CHODL: variants seen among roughly 807,000 people sequenced by gnomAD.
CHODL encodes the protein transmembrane protein MT75.
CHODL carries 29 observed loss-of-function variants against 34.5 expected under a neutral mutation model. The observed-to-expected ratio is 0.84, with a 90% confidence interval of 0.63 to 1.15. The LOEUF (loss-of-function observed/expected upper bound fraction) is 1.15, where lower values mean the gene tolerates loss of function less well. Among genes scored for constraint, CHODL ranks in the 50% most tolerant of loss-of-function variants. The pLI is 0.00. For synonymous variants in CHODL, 125 were observed against 116.1 expected (o/e 1.08, Z -0.49); for missense variants, 332 against 332.5 (o/e 1.00, Z 0.01).
At chr21:18,213,797 A>G (rs928369367) in intron 2 of CHODL, among the ~76,000 whole-genome samples, 5 of 152,086 alleles carry the variant, frequency 3.3e-5, no homozygotes, top group Non-Finnish European at 7.4e-5. Context: ...GGCAGCAGGA[A>G]AAAGAGCTGA....
intron 2 of CHODL, among the ~76,000 whole-genome samples, chr21:18,074,414 G>A (rs1025005585): frequency 1.3e-5 from 2 of 152,138 alleles, no homozygotes; most frequent in Non-Finnish European, 2.9e-5. Flanking sequence ...CTGTTCTGAA[G>A]AACATTACAC....
At chr21:18,004,739 T>A (rs1404545474) in intron 1 of CHODL, among the ~76,000 whole-genome samples, 1 of 152,200 alleles carries the variant, frequency 6.6e-6, no homozygotes, top group Non-Finnish European at 1.5e-5. Context: ...ACTTATTACT[T>A]GACTTTGATG....
rs1356363820 is a variant in CHODL, at chr21:18,066,226, G to A, written c.-45+38255G>A. On this transcript the variant is annotated intron_variant, in intron 2 of 6. Coordinates refer to the CHODL transcript ENST00000400127. ...AATTATGTACCTGATTTGCAATCTT[G>A]TTCCATAAATAAGGAACATTTCTTT... Among the ~76,000 whole-genome samples the A allele has an allele frequency of 2.0e-5, 3 of 152,150 alleles. No homozygotes were observed. In the East Asian group the frequency reaches 5.8e-4, roughly 29 times the overall value.
chr21:17,995,272 G>C (rs1437498812), intron 1 of CHODL, among the ~76,000 whole-genome samples: 1 of 152,172 alleles, frequency 6.6e-6, no homozygotes, highest in African/African-American at 2.4e-5. Context: ...ATGGATTCCA[G>C]GCAACTGTCT....
chr21:18,128,339 A>AAAGAAGAAGAAG (rs1436319679), intron 2 of CHODL, among the ~76,000 whole-genome samples: 3 of 122,966 alleles, frequency 2.4e-5, no homozygotes, highest in African/African-American at 8.9e-5. Context: ...AAAAAAAAAA[A>AAAGAAGAAGAAG]AAGAAGAAGA....
rs116579830 is a variant in CHODL at position 18,252,950 on chromosome 21, G to C, written c.80-3559G>C. Among the ~76,000 whole-genome samples the C allele has an allele frequency of 3.7e-3, 564 of 152,144 alleles. 2 individuals are homozygous for C. The highest frequency in any genetic ancestry group is 0.013 in the African/African-American group (549 of 41,522). ...CACAGAGAGTGTCAAGCTGTCTATC[G>C]TCCAGGGTCTGGACAGCACTGATTG... is the stretch of plus-strand genomic sequence containing the variant. On this transcript the variant is annotated intron_variant, in intron 1 of 5. Coordinates refer to ENST00000299295, the MANE Select transcript of CHODL (RefSeq NM_024944.3).
chr21:18,089,577 C>T (rs1046167631), intron 2 of CHODL, among the ~76,000 whole-genome samples: 1 of 152,090 alleles, frequency 6.6e-6, no homozygotes, highest in African/African-American at 2.4e-5. Flanking sequence ...TCTAAATAAA[C>T]ATATGGATGC....
intron 2 of CHODL, among the ~76,000 whole-genome samples, chr21:18,149,851 G>C (rs530203998): frequency 3.3e-5 from 5 of 152,146 alleles, no homozygotes; most frequent in Admixed American, 6.5e-5. Flanking sequence ...ACAATAGAAA[G>C]GTATTTTGTA....
chr21:17,986,894 T>C (rs967446765), intron 1 of CHODL, among the ~76,000 whole-genome samples: 6 of 152,102 alleles, frequency 3.9e-5, no homozygotes, highest in African/African-American at 1.4e-4. Flanking sequence ...TACATACGTT[T>C]TAATAGTGGG....
At chr21:18,232,568 G>A (rs1348073980) in intron 2 of CHODL, among the ~76,000 whole-genome samples, 1 of 101,972 alleles carries the variant, frequency 9.8e-6, no homozygotes, top group Non-Finnish European at 1.9e-5. Flanking sequence ...CCACCTCTTA[G>A]GTACCCACAA....
chr21:18,026,975 C>T (rs1177685839), intron 1 of CHODL, among the ~76,000 whole-genome samples: 2 of 151,186 alleles, frequency 1.3e-5, no homozygotes, highest in South Asian at 2.1e-4. Flanking sequence ...GCAAGTAATA[C>T]CTTTAAATTT....
chr21:18,046,646 A>C (rs950443825), intron 2 of CHODL, among the ~76,000 whole-genome samples: 4 of 152,010 alleles, frequency 2.6e-5, no homozygotes, highest in African/African-American at 9.7e-5. Flanking sequence ...TAAGGTTTAG[A>C]AATCCAAATG....
intron 1 of CHODL, among the ~76,000 whole-genome samples, chr21:17,930,476 G>A (rs1405363001): frequency 6.6e-6 from 1 of 152,220 alleles, no homozygotes; most frequent in East Asian, 1.9e-4. Flanking sequence ...CACTGCTCAT[G>A]CTGATGGAAT....
intron 2 of CHODL, among the ~76,000 whole-genome samples, chr21:18,125,759 T>TA (rs1225220688): frequency 6.6e-6 from 1 of 151,742 alleles, no homozygotes. Context: ...ATTTAAAGAT[T>TA]AAAAAAACCT....
intron 2 of CHODL, among the ~76,000 whole-genome samples, chr21:18,179,105 A>C (rs1388951289): frequency 6.6e-6 from 1 of 152,158 alleles, no homozygotes; most frequent in Non-Finnish European, 1.5e-5. Flanking sequence ...ATTGCTTTCA[A>C]ACCTTTGAAA....
intron 2 of CHODL, among the ~76,000 whole-genome samples, chr21:18,123,663 A>C (rs1460235404): frequency 6.6e-6 from 1 of 152,178 alleles, no homozygotes; most frequent in Non-Finnish European, 1.5e-5. Context: ...CCTGCTCCGT[A>C]AATAATGGCA....
chr21:17,950,537 T>TACACACACACACACACAC (rs1568813369), intron 1 of CHODL, among the ~76,000 whole-genome samples: 5 of 43,986 alleles, frequency 1.1e-4, no homozygotes, highest in African/African-American at 4.5e-4. Context: ...CACACACACT[T>TACACACACACACACACAC]CTTTAAAGCC....
At position 18,230,138 on chromosome 21, in the gene CHODL, G is replaced by A. The variant is rs571572083; in HGVS notation, c.-44-26371G>A. 3.1e-4 allele frequency among the ~76,000 whole-genome samples: 47 copies of A among 152,208 alleles called. No individual in the cohort carries two copies. The South Asian group carries it at 4.8e-3, about 15-fold the overall frequency. On this transcript the variant is annotated intron_variant, in intron 2 of 6. Transcript: ENST00000400127. ...TACTTACCCTGAGAAAACTGTTACC[G>A]TTAAAATGGTCTCGTTTCCTTTGAT...
At chr21:18,006,056 A>G (rs185866247) in intron 1 of CHODL, among the ~76,000 whole-genome samples, 186 of 152,120 alleles carry the variant, frequency 1.2e-3, no homozygotes, top group African/African-American at 4.4e-3. Flanking sequence ...ATAAGGGGAA[A>G]CCCATTTTGC....
Sources: gnomAD v4.1 joint callset for allele counts (sites outside exome capture counted in the v4.1 genomes callset) on GRCh38, gnomAD v4.1.1 for gene constraint, MANE v1.5 for transcripts, NCBI Gene and HGNC (gene_info 2026-07-23, HGNC 2026-07-21) for gene names.